PTPRU: variants seen among roughly 807,000 people sequenced by gnomAD.
PTPRU encodes receptor-type tyrosine-protein phosphatase U.
Under a neutral mutation model 166.3 loss-of-function variants are expected in PTPRU, and 69 were observed. The ratio of observed to expected loss-of-function variants is 0.41; its 90% CI spans 0.34 to 0.51. PTPRU has a LOEUF of 0.51. Among genes scored for constraint, PTPRU ranks in the 20% least tolerant of loss-of-function variants. The probability of loss-of-function intolerance (pLI) is 0.09; values close to 1 mark genes in which losing one functional copy is unlikely to be tolerated. For synonymous variants in PTPRU, 793 were observed against 814.0 expected (o/e 0.97, Z 0.44); for missense variants, 1,657 against 2,013.7 (o/e 0.82, Z 3.39).
At position 29,282,732 on chromosome 1, in the gene PTPRU, G is replaced by A. The variant is rs1341395655; in HGVS notation, c.1925G>A (p.Gly642Asp). ...GCGCGGAGGCTGCGGCGGGAGCCAGGTGGACAGGACTGCTTCCCAGTGCCA... is the reference window on the plus strand; with the variant it reads ...GCGCGGAGGCTGCGGCGGGAGCCAGATGGACAGGACTGCTTCCCAGTGCCA... ...ERARRLRREPGGQDCFPVPLT... is the reference protein window; with the variant it reads ...ERARRLRREPDGQDCFPVPLT... The change falls in exon 12 of 30, where the codon GGT (glycine) becomes GAT (aspartate). Residue 642 changes from glycine to aspartate, a missense_variant. Physicochemically the swap from Gly to Asp is moderately conservative, Grantham distance 94 (BLOSUM62 -1). Coordinates refer to ENST00000373779, the MANE Select transcript of PTPRU (RefSeq NM_133178.4). The A allele has an allele frequency of 4.3e-6, 7 of 1,613,746 alleles. No homozygotes were observed. The highest frequency in any genetic ancestry group is 3.4e-6 in the Non-Finnish European group (4 of 1,180,014).
rs372756354 is a variant in PTPRU, at chr1:29,312,684, G to A, written c.3205G>A (p.Gly1069Arg). Reference sequence around the variant, plus strand: ...GAAGGCCTCCACCCCACCTGATGCCGGGCCCATTGTCATCCACTGCAGGTG... The same window carrying A: ...GAAGGCCTCCACCCCACCTGATGCCAGGCCCATTGTCATCCACTGCAGGTG... ...RVKASTPPDA[G>R]PIVIHCSAGT... is the part of the protein sequence containing the mutation. The change falls in exon 22 of 30, where the codon GGG (glycine) becomes AGG (arginine). Residue 1069 changes from glycine (G) to arginine (R), a missense_variant. Transcript: ENST00000373779. The A allele has an allele frequency of 7.5e-6, 12 of 1,608,198 alleles. No homozygotes were observed. The highest frequency in any genetic ancestry group is 3.3e-5 in the South Asian group (3 of 90,754).
In PTPRU at chr1:29,280,866, A is replaced by G. The variant is rs555522858; in HGVS notation, c.1868+725A>G. Among the ~76,000 whole-genome samples the G allele has an allele frequency of 2.6e-5, 4 of 152,208 alleles. No homozygotes were observed. Among genetic ancestry groups the G allele is most frequent in the African/African-American group, 7.2e-5 (3 of 41,542 alleles). On this transcript the variant is annotated intron_variant, in intron 11 of 29. Transcript: ENST00000373779. The surrounding 1 kb of genome is among the most constrained non-coding windows in gnomAD (Gnocchi z 4.2). ...CTAGGGGCTTTATCTGCATGAAGCC[A>G]TTTATCCTCATGGCAGCCCTGTGGC...
intron 12 of PTPRU, among the ~76,000 whole-genome samples, chr1:29,283,424 C>T (rs1465401086): frequency 1.3e-5 from 2 of 151,370 alleles, no homozygotes; most frequent in Non-Finnish European, 2.9e-5. Context: ...TTCTCAGGCT[C>T]CTCCTTTCTA....
intron 8 of PTPRU, among the ~76,000 whole-genome samples, chr1:29,276,548 G>A (rs1685814722): frequency 6.6e-6 from 1 of 152,044 alleles, no homozygotes; most frequent in Non-Finnish European, 1.5e-5. Context: ...GAACTCCTGG[G>A]CTCAAGTGAT....
Position 29,279,646 on chromosome 1 carries a change from C to T in PTPRU, c.1754C>T (p.Thr585Ile), listed in dbSNP as rs1202158845. Residue 585 changes from threonine to isoleucine, a missense_variant, in exon 10 of 30, where the codon ACT becomes ATT. By Grantham distance (89) the Thr-to-Ile change is moderately conservative. Transcript: ENST00000373779. This position sits in a 1 kb window ranked among gnomAD's most constrained non-coding sequence, Gnocchi z 5.2. ...CAGGCGGCACTCACTGAGATAACCA[C>T]TAACATCTCTGGTGAGCCCCACCTG... ...FGQAALTEIT[T>I]NISAPSFDYA... 6.2e-7 allele frequency: 1 copy of T among 1,611,690 alleles called. No homozygotes were observed. Among genetic ancestry groups the T allele is most frequent in the East Asian group, 2.2e-5 (1 of 44,880 alleles).
chr1:29,260,470 G>C lies in PTPRU; in HGVS notation c.851-140G>C. 1.6e-6 allele frequency: 1 copy of C among 640,362 alleles called. No individual in the cohort carries two copies. Among genetic ancestry groups the C allele is most frequent in the Non-Finnish European group, 2.4e-6 (1 of 411,976 alleles). 39.7% of individuals were successfully genotyped at this position (640,362 alleles called of 1,614,324 possible). ...CGGGATTTAGTGGGGGTAGGAGAGC[G>C]GGTCTGGTTGAGGGCTTGGTAGCAG... On this transcript the variant is annotated intron_variant, in intron 6 of 29. Coordinates refer to ENST00000373779, the MANE Select transcript of PTPRU (RefSeq NM_133178.4). The surrounding 1 kb of genome is among the most constrained non-coding windows in gnomAD (Gnocchi z 8.3).
intron 14 of PTPRU, among the ~76,000 whole-genome samples, chr1:29,290,049 A>T (rs1241938912): frequency 6.6e-6 from 1 of 152,132 alleles, no homozygotes; most frequent in African/African-American, 2.4e-5. Context: ...TCGTGGTTAG[A>T]AGTATGTCCT....
In PTPRU at chr1:29,279,892, C is replaced by A; in HGVS notation, c.1766-147C>A. The stretch of plus-strand genomic sequence containing the variant: ...TGGGGCTGGTGCCTGAGGTCAGGGG[C>A]CAGGGTAGCTCAGGTCATGTCAGCA... On this transcript the variant is annotated intron_variant, in intron 10 of 29. Transcript: ENST00000373779. The surrounding 1 kb of genome is among the most constrained non-coding windows in gnomAD (Gnocchi z 5.2). The A allele has an allele frequency of 1.0e-6, 1 of 966,010 alleles. No homozygotes were observed. Among genetic ancestry groups the A allele is most frequent in the Non-Finnish European group, 1.5e-6 (1 of 646,212 alleles). 59.8% of individuals were successfully genotyped at this position (966,010 alleles called of 1,614,324 possible).
At chr1:29,277,105 TTTTG>T (rs1685838097) in intron 8 of PTPRU, among the ~76,000 whole-genome samples, 1 of 152,018 alleles carries the variant, frequency 6.6e-6, no homozygotes. Context: ...GACTTTTCTT[TTTTG>T]TTTGTTTTTG....
intron 14 of PTPRU, chr1:29,289,768 T>C (rs977406516): frequency 1.9e-6 from 3 of 1,590,314 alleles, no homozygotes; most frequent in Non-Finnish European, 2.6e-6. Context: ...GGAGATCCCC[T>C]GTCCCCGCCT....
In PTPRU at chr1:29,315,436, G is replaced by A. The variant is rs1687856585; in HGVS notation, c.3292G>A (p.Glu1098Lys). 2 of 1,614,234 alleles carry A rather than the reference G, an allele frequency of 1.2e-6. No individual in the cohort carries two copies. Among genetic ancestry groups the A allele is most frequent in the East Asian group, 2.2e-5 (1 of 44,890 alleles). ...TGTGATGCTGGACATGGCAGAGTGT[G>A]AGGGCGTCGTGGACATTTACAACTG... ...LDVMLDMAEC[E>K]GVVDIYNCVK... The change falls in exon 23 of 30, where the codon GAG becomes AAG. Residue 1098 changes from glutamate (E) to lysine (K), a missense_variant. Coordinates refer to ENST00000373779, the MANE Select transcript of PTPRU (RefSeq NM_133178.4). This position sits in a 1 kb window ranked among gnomAD's most constrained non-coding sequence, Gnocchi z 4.5.
intron 1 of PTPRU, among the ~76,000 whole-genome samples, chr1:29,241,296 G>A (rs1160571936): frequency 2.0e-5 from 3 of 152,108 alleles, no homozygotes; most frequent in Admixed American, 1.3e-4. Context: ...GGAGGATCAG[G>A]GTGTGCAGAC....
chr1:29,281,063 C>T (rs61132644), intron 11 of PTPRU, among the ~76,000 whole-genome samples: 3,025 of 152,158 alleles, frequency 0.02, 109 homozygotes, highest in African/African-American at 0.067. Context: ...CCTTCTGGTC[C>T]ACCCCTTCCT....
rs148977542 is a variant in PTPRU at position 29,294,140 on chromosome 1, A to G, written c.2476+2114A>G. Among the ~76,000 whole-genome samples the G allele has an allele frequency of 9.3e-4, 141 of 152,356 alleles. 1 individual carries two copies. Among genetic ancestry groups the G allele is most frequent in the African/African-American group, 3.2e-3 (133 of 41,586 alleles). Reference sequence around the variant, plus strand: ...ATGGAGTACGTGCATCTTCAGCTTAATAAGAGTGCCAAGTTGCTTTCCAAA... The same window carrying G: ...ATGGAGTACGTGCATCTTCAGCTTAGTAAGAGTGCCAAGTTGCTTTCCAAA... On this transcript the variant is annotated intron_variant, in intron 15 of 29. Coordinates refer to ENST00000373779, the MANE Select transcript of PTPRU (RefSeq NM_133178.4).
At chr1:29,266,010 GTTTTTTTTTTTT>G (rs34163524) in intron 7 of PTPRU, among the ~76,000 whole-genome samples, 16 of 79,230 alleles carry the variant, frequency 2.0e-4, no homozygotes, top group South Asian at 1.1e-3. Context: ...TTTCTCCTGG[GTTTTTTTTTTTT>G]TTTTTTTTTT....
rs1244033887 is a variant in PTPRU, at chr1:29,260,058, C to A, written c.850+14C>A. On this transcript the variant is annotated intron_variant, in intron 6 of 29. Coordinates refer to ENST00000373779, the MANE Select transcript of PTPRU (RefSeq NM_133178.4). This position sits in a 1 kb window ranked among gnomAD's most constrained non-coding sequence, Gnocchi z 8.3. Reference sequence around the variant, plus strand: ...TCATCGTCAAGGGTCAGCTGGTGGACGCCGGGGAGCGCCGGGACCTCACCC... The same window carrying A: ...TCATCGTCAAGGGTCAGCTGGTGGAAGCCGGGGAGCGCCGGGACCTCACCC... 3 of 1,383,104 alleles carry A rather than the reference C, an allele frequency of 2.2e-6. No homozygotes were observed. The highest frequency in any genetic ancestry group is 2.8e-6 in the Non-Finnish European group (3 of 1,071,730). 85.7% of individuals were successfully genotyped at this position (1,383,104 alleles called of 1,614,324 possible).
intron 8 of PTPRU, among the ~76,000 whole-genome samples, chr1:29,277,702 T>C (rs1378236828): frequency 6.6e-6 from 1 of 151,794 alleles, no homozygotes; most frequent in Non-Finnish European, 1.5e-5. Context: ...ATGTGGTAGG[T>C]TACTATTTCT....
intron 16 of PTPRU, among the ~76,000 whole-genome samples, chr1:29,304,411 A>G (rs1687286580): frequency 1.3e-5 from 2 of 152,022 alleles, no homozygotes; most frequent in African/African-American, 4.8e-5. Flanking sequence ...TGAACTCTGG[A>G]TCTCATCCCA....
rs1233410330 is a variant in PTPRU, at chr1:29,237,861, C to T, written c.73+1144C>T. 6.8e-6 allele frequency among the ~76,000 whole-genome samples: 1 copy of T among 146,050 alleles called. No homozygotes were observed. Among genetic ancestry groups the T allele is most frequent in the African/African-American group, 2.5e-5 (1 of 40,724 alleles). On this transcript the variant is annotated intron_variant, in intron 1 of 29. Transcript: ENST00000373779. The surrounding 1 kb of genome is among the most constrained non-coding windows in gnomAD (Gnocchi z 6.4). ...CGCTCCTGCGGTGGCCGGGCCGCGGCTGCGCCCCGGGCGGCCGGGCGGGGG... is the reference window on the plus strand; with the variant it reads ...CGCTCCTGCGGTGGCCGGGCCGCGGTTGCGCCCCGGGCGGCCGGGCGGGGG...
Sources: allele counts gnomAD v4.1 joint callset (sites outside exome capture counted in the v4.1 genomes callset), GRCh38; gene constraint gnomAD v4.1.1; non-coding constraint Gnocchi (gnomAD v3.1); transcripts MANE v1.5; gene names NCBI Gene and HGNC (gene_info 2026-07-23, HGNC 2026-07-21).